The following TFPI variants were observed in gnomAD, a reference collection of about 807,000 sequenced individuals.
TFPI encodes the protein anti-convertin.
TFPI carries 15 observed loss-of-function variants against 34.6 expected under a neutral mutation model. The observed-to-expected ratio is 0.43, with a 90% CI of 0.29 to 0.67. TFPI has a LOEUF of 0.67. TFPI is among the 30% of genes least tolerant of loss of function. TFPI has a pLI of 0.15. For missense variants in TFPI, 301 were observed against 364.0 expected, an observed-to-expected ratio of 0.83 and a Z score of 1.41; for synonymous variants, 105 against 120.1, an observed-to-expected ratio of 0.87 and a Z score of 0.82.
chr2:187,501,237 C>T (rs8176425), intron 2 of TFPI, among the ~76,000 whole-genome samples: 5,241 of 151,924 alleles, frequency 0.034, 271 homozygotes, highest in African/African-American at 0.11. Context: ...AATCATTTGC[C>T]TTTGATGTCA....
chr2:187,504,374 C>G (rs1559126045), intron 1 of TFPI, among the ~76,000 whole-genome samples: 1 of 151,990 alleles, frequency 6.6e-6, no homozygotes, highest in Non-Finnish European at 1.5e-5. Flanking sequence ...AAAGAAGTGT[C>G]TGACATTCGA....
intron 1 of TFPI, among the ~76,000 whole-genome samples, chr2:187,540,862 GC>G (rs1188939622): frequency 7.7e-6 from 1 of 130,094 alleles, no homozygotes; most frequent in Non-Finnish European, 1.5e-5. Context: ...CTGCACTCCA[GC>G]CTGGGTGACA....
intron 1 of TFPI, chr2:187,518,465 GC>G (rs1363258999): frequency 1.3e-5 from 2 of 152,112 alleles, no homozygotes; most frequent in African/African-American, 4.8e-5. Flanking sequence ...TAGAATATTG[GC>G]CCCACTCTCT....
chr2:187,479,020 A>C (rs931443770), intron 6 of TFPI, among the ~76,000 whole-genome samples: 1 of 152,182 alleles, frequency 6.6e-6, no homozygotes, highest in Non-Finnish European at 1.5e-5. Flanking sequence ...GGAGAGAGAC[A>C]GAAAGAAGGC....
chr2:187,496,689 T>C (rs1181178031), intron 3 of TFPI, among the ~76,000 whole-genome samples, 192 bp downstream of exon 3: 1 of 152,116 alleles, frequency 6.6e-6, no homozygotes, highest in Non-Finnish European at 1.5e-5. Context: ...GGGTATTTCA[T>C]GGTACAATTC....
At chr2:187,483,360 CAT>C (rs1357392285) in intron 6 of TFPI, among the ~76,000 whole-genome samples, 3 of 151,890 alleles carry the variant, frequency 2.0e-5, no homozygotes, top group African/African-American at 7.2e-5. Flanking sequence ...TTACCTTTGA[CAT>C]GTTCACATGG....
chr2:187,517,111 C>A lies in TFPI; in HGVS notation c.-2-13341G>T, dbSNP rs1348020075. On this transcript the variant is annotated intron_variant, in intron 1 of 7. Transcript: ENST00000233156. ...AAGTAAAATTGCCTTACTAAGTAATCTTTTATTGAGCACACGTTTTCTTCG... is the reference window on the plus strand; with the variant it reads ...AAGTAAAATTGCCTTACTAAGTAATATTTTATTGAGCACACGTTTTCTTCG... 2.6e-5 allele frequency: 4 copies of A among 152,274 alleles called. No individual in the cohort carries two copies. In the East Asian group the frequency reaches 7.7e-4, roughly 29 times the overall value. The allele number at this position is 152,274 out of a possible 1,614,324, so 9.4% of individuals were successfully genotyped here.
In TFPI at chr2:187,466,798, T is replaced by A. The variant is rs1691737296; in HGVS notation, c.*138A>T. 1 of 474,482 alleles carries A rather than the reference T, an allele frequency of 2.1e-6. No homozygotes were observed. The highest frequency in any genetic ancestry group is 2.1e-5 in the African/African-American group (1 of 48,356). The allele number at this position is 474,482 out of a possible 1,614,324, so 29.4% of individuals were successfully genotyped here. A position where few individuals can be genotyped will look rare whatever the true frequency, so the allele number is the denominator to read the frequency against. On this transcript the variant is annotated 3_prime_UTR_variant, in exon 8 of 8. Transcript: ENST00000233156. ...GAAAAGCAACTCTGATACAAACGTG[T>A]TGATAACAAGTACAATAAGCATAGA...
rs1691638536 is a variant in TFPI, at chr2:187,464,811, T to C, written c.*2125A>G. ...TTCCTTAAGTGAAAAAAGCTGATAC[T>C]ATTTTGTAATGATAAAATTTGTATA... On this transcript the variant is annotated 3_prime_UTR_variant, in exon 8 of 8. Coordinates refer to ENST00000233156, the MANE Select transcript of TFPI (RefSeq NM_006287.6). The C allele has an allele frequency of 6.6e-6, 1 of 152,242 alleles. No individual in the cohort carries two copies. The highest frequency in any genetic ancestry group is 1.5e-5 in the Non-Finnish European group (1 of 68,044). The allele number at this position is 152,242 out of a possible 1,614,324, so 9.4% of individuals were successfully genotyped here. A position where few individuals can be genotyped will look rare whatever the true frequency, so the allele number is the denominator to read the frequency against.
chr2:187,498,535 T>G (rs527675199), intron 2 of TFPI, among the ~76,000 whole-genome samples: 1 of 152,000 alleles, frequency 6.6e-6, no homozygotes, highest in East Asian at 1.9e-4. Flanking sequence ...GATACAGCTT[T>G]CTATACATAA....
chr2:187,531,922 TA>T (rs1218876230), intron 1 of TFPI, among the ~76,000 whole-genome samples: 1 of 144,364 alleles, frequency 6.9e-6, no homozygotes, highest in African/African-American at 2.7e-5. Flanking sequence ...TGCTTTTATT[TA>T]AAATTTTTTT....
intron 1 of TFPI, among the ~76,000 whole-genome samples, chr2:187,545,523 T>C (rs1039695660): frequency 3.3e-5 from 5 of 152,120 alleles, no homozygotes; most frequent in Admixed American, 1.3e-4. Flanking sequence ...CATTTACATA[T>C]TGGCAATGTT....
At chr2:187,484,097 A>T in intron 6 of TFPI, 27 bp downstream of exon 6, 1 of 1,588,020 alleles carries the variant, frequency 6.3e-7, no homozygotes, top group Non-Finnish European at 8.6e-7. Context: ...AGTTTCCTGG[A>T]AGCAATAAAA....
At chr2:187,550,948 A>G (rs1689073841) in intron 1 of TFPI, among the ~76,000 whole-genome samples, 1 of 152,112 alleles carries the variant, frequency 6.6e-6, no homozygotes, top group African/African-American at 2.4e-5. Context: ...ATAGAAATAG[A>G]TAAGGGTCAA....
At chr2:187,521,502 A>T (rs1165018375) in intron 1 of TFPI, among the ~76,000 whole-genome samples, 1 of 151,966 alleles carries the variant, frequency 6.6e-6, no homozygotes, top group Non-Finnish European at 1.5e-5. Context: ...TTAATTTTTG[A>T]GAAACCTTCA....
At chr2:187,485,488 T>C (rs940617119) in intron 4 of TFPI, among the ~76,000 whole-genome samples, 2 of 151,732 alleles carry the variant, frequency 1.3e-5, no homozygotes, top group African/African-American at 4.8e-5. Flanking sequence ...ATGGCTAGCC[T>C]TAGAAGTTCC....
In TFPI at chr2:187,537,317, C is replaced by T. The variant is rs555195617; in HGVS notation, c.-3+16883G>A. 5.3e-5 allele frequency among the ~76,000 whole-genome samples: 8 copies of T among 152,270 alleles called. No homozygotes were observed. The East Asian group carries it at 1.5e-3, about 29-fold the overall frequency. On this transcript the variant is annotated intron_variant, in intron 1 of 7. Coordinates refer to ENST00000233156, the MANE Select transcript of TFPI (RefSeq NM_006287.6). The stretch of plus-strand genomic sequence containing the variant: ...GCAAAAAGAACAAAGCTGGAGGCAT[C>T]ACGCTACCTGACTTCAAACTATACT...
At chr2:187,493,696 A>G (rs1394560468) in intron 3 of TFPI, among the ~76,000 whole-genome samples, 1 of 152,106 alleles carries the variant, frequency 6.6e-6, no homozygotes, top group Non-Finnish European at 1.5e-5. Flanking sequence ...ATTACTCTAC[A>G]TCATTTCTTC....
intron 1 of TFPI, among the ~76,000 whole-genome samples, chr2:187,533,981 A>G (rs1284363066): frequency 6.6e-6 from 1 of 152,218 alleles, no homozygotes; most frequent in African/African-American, 2.4e-5. Flanking sequence ...TTGAAGATCA[A>G]CTTAAGGAAA....
Sources: gnomAD v4.1 joint callset for allele counts (sites outside exome capture counted in the v4.1 genomes callset) on GRCh38, gnomAD v4.1.1 for gene constraint, MANE v1.5 for transcripts, NCBI Gene and HGNC (gene_info 2026-07-23, HGNC 2026-07-21) for gene names.